Variants in TRABD2B observed in about 807,000 individuals in gnomAD.
TRABD2B encodes the protein TraB domain containing 2B.
A neutral mutation model predicts 40.1 loss-of-function variants in TRABD2B; 14 were observed. The observed-to-expected ratio is 0.35, with a 90% CI of 0.23 to 0.55. The LOEUF (loss-of-function observed/expected upper bound fraction) is 0.55. Ranked by LOEUF, TRABD2B falls within the 20% of genes least tolerant of loss-of-function variation. TRABD2B has a pLI of 0.90. For synonymous variants in TRABD2B, 263 were observed against 277.0 expected, an observed-to-expected ratio of 0.95 and a Z score of 0.50; for missense variants, 541 against 648.6, an observed-to-expected ratio of 0.83 and a Z score of 1.80.
chr1:47,777,900 G>T (rs1186609764), intron 5 of TRABD2B, among the ~76,000 whole-genome samples: 3 of 152,196 alleles, frequency 2.0e-5, no homozygotes, highest in Non-Finnish European at 4.4e-5. Context: ...GTGGGGGTGG[G>T]GGTTGGAAGA....
chr1:47,863,954 T>C lies in TRABD2B; in HGVS notation c.667-62335A>G, dbSNP rs565445277. On this transcript the variant is annotated intron_variant, in intron 2 of 6. Coordinates refer to ENST00000606738, the MANE Select transcript of TRABD2B (RefSeq NM_001194986.2). ...GCCATCAAGCCATGAAAAGACATAA[T>C]GGAAACTGAAATGCATTATTACTAA... Among the ~76,000 whole-genome samples the C allele has an allele frequency of 2.0e-5, 3 of 152,154 alleles. No individual in the cohort carries two copies. In the East Asian group the frequency reaches 5.8e-4, roughly 29 times the overall value.
chr1:47,838,579 G>C (rs989815091), intron 2 of TRABD2B, among the ~76,000 whole-genome samples: 3 of 152,166 alleles, frequency 2.0e-5, no homozygotes, highest in African/African-American at 4.8e-5. Flanking sequence ...TAGTCCCTAG[G>C]GTCAGTTACT....
intron 2 of TRABD2B, among the ~76,000 whole-genome samples, chr1:47,974,498 T>C (rs1205589808): frequency 1.3e-5 from 2 of 152,212 alleles, no homozygotes; most frequent in Non-Finnish European, 2.9e-5. Context: ...CTACTGATTT[T>C]TGTTTTTCAT....
intron 2 of TRABD2B, among the ~76,000 whole-genome samples, chr1:47,851,842 A>T (rs1645553794): frequency 6.6e-6 from 1 of 152,174 alleles, no homozygotes. Context: ...TTGGCGAGGA[A>T]CCCTAGGCTT....
intron 2 of TRABD2B, among the ~76,000 whole-genome samples, chr1:47,829,437 T>C (rs151056144): frequency 2.6e-4 from 39 of 152,200 alleles, no homozygotes; most frequent in African/African-American, 9.4e-4. Flanking sequence ...ACTGCTGGCA[T>C]ATCACTCCTG....
At chr1:47,842,766 T>C (rs1299735977) in intron 2 of TRABD2B, among the ~76,000 whole-genome samples, 1 of 152,140 alleles carries the variant, frequency 6.6e-6, no homozygotes, top group Non-Finnish European at 1.5e-5. Context: ...AAACTAACTC[T>C]CTAATGTGTG....
At chr1:47,906,441 C>T (rs1304137227) in intron 2 of TRABD2B, among the ~76,000 whole-genome samples, 3 of 152,218 alleles carry the variant, frequency 2.0e-5, no homozygotes, top group Admixed American at 6.5e-5. Flanking sequence ...CCAAGCTCCA[C>T]GCTCTTAGCC....
At chr1:47,836,418 G>A (rs1645319246) in intron 2 of TRABD2B, among the ~76,000 whole-genome samples, 2 of 152,190 alleles carry the variant, frequency 1.3e-5, no homozygotes, top group Non-Finnish European at 2.9e-5. Context: ...TGTGTGGCTT[G>A]GGGCAATCAT....
At chr1:47,829,808 C>T (rs954577329) in intron 2 of TRABD2B, among the ~76,000 whole-genome samples, 2 of 152,232 alleles carry the variant, frequency 1.3e-5, no homozygotes, top group Admixed American at 6.5e-5. Flanking sequence ...TCCTTTACTG[C>T]ACCCCATTGT....
Position 47,985,782 on chromosome 1 carries a change from C to G in TRABD2B, c.666+8252G>C, listed in dbSNP as rs368087329. The stretch of plus-strand genomic sequence containing the variant: ...TATGATTACATGGCATCCATCCAAT[C>G]TGATGACCATGGATAAAAGTCTTGC... On this transcript the variant is annotated intron_variant, in intron 2 of 6. Transcript: ENST00000606738. 1.0e-3 allele frequency among the ~76,000 whole-genome samples: 152 copies of G among 152,370 alleles called. 1 individual carries two copies. Among genetic ancestry groups the G allele is most frequent in the African/African-American group, 3.5e-3 (147 of 41,580 alleles).
chr1:47,899,003 C>G (rs993842195), intron 2 of TRABD2B, among the ~76,000 whole-genome samples: 2 of 152,198 alleles, frequency 1.3e-5, no homozygotes, highest in Admixed American at 1.3e-4. Context: ...TACATGTATC[C>G]TTTTGCTGTT....
intron 2 of TRABD2B, among the ~76,000 whole-genome samples, chr1:47,916,879 G>A (rs958093752): frequency 4.6e-5 from 7 of 152,254 alleles, no homozygotes; most frequent in African/African-American, 1.7e-4. Context: ...GTGATCCTGA[G>A]AGGCACAGTC....
intron 4 of TRABD2B, among the ~76,000 whole-genome samples, chr1:47,783,786 C>G (rs925687029): frequency 1.3e-5 from 2 of 152,224 alleles, no homozygotes; most frequent in African/African-American, 4.8e-5. Flanking sequence ...ATCTACCCCG[C>G]CTCCCATCAG....
In TRABD2B at chr1:47,987,050, G is replaced by T. The variant is rs372500093; in HGVS notation, c.666+6984C>A. Among the ~76,000 whole-genome samples the T allele has an allele frequency of 1.2e-4, 18 of 152,328 alleles. No homozygotes were observed. In the East Asian group the frequency reaches 1.9e-3, roughly 16 times the overall value. On this transcript the variant is annotated intron_variant, in intron 2 of 6. Transcript: ENST00000606738. The stretch of plus-strand genomic sequence containing the variant: ...GCCGGCATTCTTGTTTCCTCCCTAG[G>T]AAAGCTGCATTACCAGGCGACCTCT...
chr1:47,831,613 G>A (rs558753348), intron 2 of TRABD2B, among the ~76,000 whole-genome samples: 12 of 152,272 alleles, frequency 7.9e-5, no homozygotes, highest in Admixed American at 2.0e-4. Context: ...TCTTTATAAA[G>A]AGAGGAGAGT....
At chr1:47,954,352 A>G (rs375766792) in intron 2 of TRABD2B, among the ~76,000 whole-genome samples, 1 of 152,076 alleles carries the variant, frequency 6.6e-6, no homozygotes, top group Non-Finnish European at 1.5e-5. Flanking sequence ...TGTCTCCTCA[A>G]TGGGCTGATA....
chr1:47,766,612 A>G (rs1036677630), intron 6 of TRABD2B, among the ~76,000 whole-genome samples: 16 of 152,316 alleles, frequency 1.1e-4, no homozygotes, highest in African/African-American at 3.4e-4. Flanking sequence ...TTTCCAAGCA[A>G]TATTTCTGAT....
chr1:47,773,319 G>A lies in TRABD2B; in HGVS notation c.1349+1851C>T, dbSNP rs191111566. 1.3e-3 allele frequency among the ~76,000 whole-genome samples: 196 copies of A among 152,386 alleles called. 3 individuals carry two copies. In the East Asian group the frequency reaches 0.034, roughly 27 times the overall value. On this transcript the variant is annotated intron_variant, in intron 6 of 6. Transcript: ENST00000606738. ...TCTATGCCCTCACTCCCGATTAGAAGGGGGAGGCCCATGCTGGGCACGTGA... is the reference window on the plus strand; with the variant it reads ...TCTATGCCCTCACTCCCGATTAGAAAGGGGAGGCCCATGCTGGGCACGTGA...
chr1:47,961,361 T>C (rs1352145926), intron 2 of TRABD2B, among the ~76,000 whole-genome samples: 4 of 152,116 alleles, frequency 2.6e-5, no homozygotes, highest in Non-Finnish European at 4.4e-5. Flanking sequence ...AATTGACCAA[T>C]GGGATCTAAT....
Sources: allele counts gnomAD v4.1 joint callset (sites outside exome capture counted in the v4.1 genomes callset), GRCh38; gene constraint gnomAD v4.1.1; transcripts MANE v1.5; gene names NCBI Gene and HGNC (gene_info 2026-07-23, HGNC 2026-07-21).